The following HTRA1 variants were observed in gnomAD, a reference collection of about 807,000 sequenced individuals.
HTRA1 encodes the protein serine protease HTRA1.
HTRA1 carries 26 observed loss-of-function variants against 49.7 expected under a neutral mutation model. That is an observed-to-expected ratio of 0.52 (90% CI 0.38 to 0.73). HTRA1 has a LOEUF of 0.73. Ranked by LOEUF, HTRA1 falls within the 30% of genes least tolerant of loss-of-function variation. HTRA1 has a pLI of 0.00. For missense variants in HTRA1, 561 were observed against 667.2 expected (o/e 0.84, Z 1.75); for synonymous variants, 291 against 286.9 (o/e 1.01, Z -0.14).
chr10:122,505,562 C>T (rs1251673101), intron 3 of HTRA1, among the ~76,000 whole-genome samples: 1 of 152,166 alleles, frequency 6.6e-6, no homozygotes, highest in Non-Finnish European at 1.5e-5. Context: ...GTGGTCACCC[C>T]ACCTCATCAG....
rs374675648 is a variant in HTRA1, at chr10:122,514,266, C to T, written c.1350C>T (p.Asp450=). 72 of 1,613,856 alleles carry T rather than the reference C, an allele frequency of 4.5e-5. No homozygotes were observed. The highest frequency in any genetic ancestry group is 1.6e-4 in the Middle Eastern group (1 of 6,062). ...TGGTCTCCGCCAATGATGTCAGCGACGTCATTAAAAGGGAAAGCACCCTGA... is the reference window on the plus strand; with the variant it reads ...TGGTCTCCGCCAATGATGTCAGCGATGTCATTAAAAGGGAAAGCACCCTGA... The part of the protein sequence containing the change: ...QSVVSANDVS[D]VIKRESTLNM... Residue 450 remains aspartate (D), a synonymous_variant, in exon 9 of 9, where the codon GAC becomes GAT. Transcript: ENST00000368984.
intron 1 of HTRA1, among the ~76,000 whole-genome samples, chr10:122,477,235 G>A (rs963827105): frequency 2.6e-5 from 4 of 152,112 alleles, no homozygotes; most frequent in African/African-American, 9.7e-5. Flanking sequence ...CCAAAGCGCT[G>A]GGATTACAGG....
chr10:122,489,759 C>T (rs1218085960), intron 3 of HTRA1, 133 bp downstream of exon 3: 5 of 842,136 alleles, frequency 5.9e-6, no homozygotes, highest in Admixed American at 2.0e-5. Flanking sequence ...CACAGGAGGG[C>T]CTTGAGGAGA....
chr10:122,467,744 C>A (rs1420573074), intron 1 of HTRA1, among the ~76,000 whole-genome samples: 1 of 151,914 alleles, frequency 6.6e-6, no homozygotes, highest in Non-Finnish European at 1.5e-5. Context: ...TGTGTCATTT[C>A]ATCTTTTCCT....
chr10:122,461,798 A>C lies in HTRA1; in HGVS notation c.146A>C (p.Gln49Pro). ...TGCGAGCCGGCGCGCTGCCCGCCGC[A>C]GCCGGAGCACTGCGAGGGCGGCCGG... ...DRCEPARCPP[Q>P]PEHCEGGRAR... The change falls in exon 1 of 9, where the codon CAG becomes CCG. Residue 49 changes from glutamine to proline, a missense_variant. Physicochemically the swap from Gln to Pro is moderately conservative, Grantham distance 76 (BLOSUM62 -1). Around this residue, in one of 3 missense-constraint regions of HTRA1, gnomAD observed 111 missense variants for 83.7 expected, o/e 1.33. Transcript: ENST00000368984. 1 of 1,058,230 alleles carries C rather than the reference A, an allele frequency of 9.4e-7. No homozygotes were observed. 65.6% of individuals were successfully genotyped at this position (1,058,230 alleles called of 1,614,324 possible). A position where few individuals can be genotyped will look rare whatever the true frequency, so the allele number is the denominator to read the frequency against.
rs2097495243 is a variant in HTRA1 at position 122,490,503 on chromosome 10, T to C, written c.777+877T>C. The stretch of plus-strand genomic sequence containing the variant: ...CGTCGATGAGAGAGGTTTTGTTTGC[T>C]GTGTGGCATGTTCAGTGAAAGCGTG... On this transcript the variant is annotated intron_variant, in intron 3 of 8. Coordinates refer to ENST00000368984, the MANE Select transcript of HTRA1 (RefSeq NM_002775.5). The surrounding 1 kb of genome is among the most constrained non-coding windows in gnomAD (Gnocchi z 4.2). Among the ~76,000 whole-genome samples the C allele has an allele frequency of 1.3e-5, 2 of 152,212 alleles. No homozygotes were observed. Among genetic ancestry groups the C allele is most frequent in the Non-Finnish European group, 2.9e-5 (2 of 68,038 alleles).
In HTRA1 at chr10:122,461,623, G is replaced by A. The variant is rs1485402278; in HGVS notation, c.-30G>A. The A allele has an allele frequency of 4.7e-6, 6 of 1,268,642 alleles. No individual in the cohort carries two copies. Among genetic ancestry groups the A allele is most frequent in the South Asian group, 2.8e-5 (2 of 72,654 alleles). 78.6% of individuals were successfully genotyped at this position (1,268,642 alleles called of 1,614,324 possible). Reference sequence around the variant, plus strand: ...CCGCTCTCCGGCCCTCGCCCTGTCCGCCGCCACCGCCGCCGCCGCCAGAGT... The same window carrying A: ...CCGCTCTCCGGCCCTCGCCCTGTCCACCGCCACCGCCGCCGCCGCCAGAGT... On this transcript the variant is annotated 5_prime_UTR_variant, in exon 1 of 9. Transcript: ENST00000368984.
intron 1 of HTRA1, among the ~76,000 whole-genome samples, chr10:122,483,532 TA>T (rs1288817192): frequency 6.6e-6 from 1 of 152,242 alleles, no homozygotes; most frequent in Non-Finnish European, 1.5e-5. Context: ...TTCAGTTTTT[TA>T]TTTTGGAGAA....
chr10:122,496,224 G>GTTTTTTTTTTTTTTTTTTTTTTTTTTT (rs1565427091), intron 3 of HTRA1, among the ~76,000 whole-genome samples: 1 of 32,064 alleles, frequency 3.1e-5, no homozygotes, highest in Non-Finnish European at 6.2e-5. Flanking sequence ...AGAGATTGTG[G>GTTTTTTTTTTTTTTTTTTTTTTTTTTT]GTTCTTTTTT....
chr10:122,470,963 AG>A (rs559981009), intron 1 of HTRA1, among the ~76,000 whole-genome samples: 81 of 152,316 alleles, frequency 5.3e-4, no homozygotes, highest in African/African-American at 1.6e-3. Context: ...GGCCAAATGC[AG>A]GGTTCACTAC....
intron 3 of HTRA1, among the ~76,000 whole-genome samples, chr10:122,503,826 T>C (rs1476437810): frequency 6.6e-6 from 1 of 152,182 alleles, no homozygotes; most frequent in Non-Finnish European, 1.5e-5. Flanking sequence ...TGTCTTAGGG[T>C]TGCCCTTCAT....
intron 1 of HTRA1, among the ~76,000 whole-genome samples, chr10:122,488,423 A>G (rs2097494037): frequency 6.6e-6 from 1 of 151,994 alleles, no homozygotes; most frequent in African/African-American, 2.4e-5. Flanking sequence ...CAAAAATACA[A>G]AGGTGGTGGG....
At chr10:122,505,962 T>G (rs988359666) in intron 3 of HTRA1, among the ~76,000 whole-genome samples, 1 of 152,242 alleles carries the variant, frequency 6.6e-6, no homozygotes, top group Admixed American at 6.5e-5. Flanking sequence ...TTGAGACTCC[T>G]GGCTTTGCCT....
In HTRA1 at chr10:122,489,506, C is replaced by T; in HGVS notation, c.657C>T (p.Ala219=). ...VSEDGLIVTN[A]HVVTNKHRVK... is the part of the protein sequence containing the mutation. ...AAGATGGACTGATCGTGACAAATGC[C>T]CACGTGGTGACCAACAAGCACCGGG... is the stretch of plus-strand genomic sequence containing the variant. Residue 219 remains alanine (A), a synonymous_variant, in exon 3 of 9, where the codon GCC becomes GCT. Transcript: ENST00000368984. The T allele has an allele frequency of 1.9e-6, 3 of 1,614,140 alleles. No individual in the cohort carries two copies. Among genetic ancestry groups the T allele is most frequent in the Non-Finnish European group, 2.5e-6 (3 of 1,180,024 alleles).
chr10:122,485,585 C>T (rs931057203), intron 1 of HTRA1, among the ~76,000 whole-genome samples: 1 of 152,208 alleles, frequency 6.6e-6, no homozygotes, highest in African/African-American at 2.4e-5. Flanking sequence ...GGAACTGGGC[C>T]TTCCAGTGGC....
intron 3 of HTRA1, among the ~76,000 whole-genome samples, chr10:122,496,225 G>GTTTTTTTTTT (rs1287521208): frequency 0.044 from 3,558 of 80,366 alleles, 1,403 homozygotes; most frequent in African/African-American, 0.059. Flanking sequence ...GAGATTGTGG[G>GTTTTTTTTTT]TTCTTTTTTT....
intron 3 of HTRA1, among the ~76,000 whole-genome samples, chr10:122,504,493 G>C (rs1243138827): frequency 2.0e-5 from 3 of 152,156 alleles, no homozygotes; most frequent in Non-Finnish European, 4.4e-5. Context: ...CCTGAGTTGA[G>C]TTTGACCTCC....
At chr10:122,483,071 C>G (rs753786424) in intron 1 of HTRA1, among the ~76,000 whole-genome samples, 11 of 152,106 alleles carry the variant, frequency 7.2e-5, no homozygotes, top group Admixed American at 1.3e-4. Flanking sequence ...TAATGAATGT[C>G]AAACACTTAA....
rs1455090196 is a variant in HTRA1 at position 122,504,607 on chromosome 10, G to A, written c.778-2084G>A. On this transcript the variant is annotated intron_variant, in intron 3 of 8. Transcript: ENST00000368984. ...AAGCCCAGCCCTGAAGGCCTCAAAG[G>A]CCTGGTCTTCCAGCCAGTCCAGGGC... Among the ~76,000 whole-genome samples the A allele has an allele frequency of 3.3e-5, 5 of 152,264 alleles. No homozygotes were observed. In the East Asian group the frequency reaches 9.7e-4, roughly 29 times the overall value.
Sources: allele counts gnomAD v4.1 joint callset (sites outside exome capture counted in the v4.1 genomes callset), GRCh38; gene constraint gnomAD v4.1.1; regional missense constraint gnomAD v4.1.1; non-coding constraint Gnocchi (gnomAD v3.1); transcripts MANE v1.5; gene names NCBI Gene and HGNC (gene_info 2026-07-23, HGNC 2026-07-21).